The following CDH20 variants were observed in gnomAD, a reference collection of about 807,000 sequenced individuals.
CDH20 encodes the protein cadherin-20.
Under a neutral mutation model 74.2 loss-of-function variants are expected in CDH20, and 29 were observed. The observed-to-expected ratio is 0.39, with a 90% confidence interval of 0.29 to 0.53. CDH20 has a LOEUF of 0.53. Ranked by LOEUF, CDH20 falls within the 20% of genes least tolerant of loss-of-function variation. The pLI is 0.69. For synonymous variants in CDH20, 469 were observed against 405.4 expected (o/e 1.16, Z -1.88); for missense variants, 988 against 1,048.3 (o/e 0.94, Z 0.79).
intron 1 of CDH20, among the ~76,000 whole-genome samples, chr18:61,467,135 T>C (rs986000249): frequency 6.6e-6 from 1 of 152,014 alleles, no homozygotes; most frequent in African/African-American, 2.4e-5. Flanking sequence ...TGGTACCATC[T>C]CTAATGACAG....
chr18:61,405,370 G>A lies in CDH20; in HGVS notation c.-153+71543G>A, dbSNP rs183759998. 1.1e-4 allele frequency among the ~76,000 whole-genome samples: 17 copies of A among 152,226 alleles called. No individual in the cohort carries two copies. The East Asian group carries it at 3.3e-3, about 30-fold the overall frequency. On this transcript the variant is annotated intron_variant, in intron 1 of 11. Transcript: ENST00000262717. ...TGCAAAGCCAAGTGAAAGATGGCTT[G>A]AGGCCAGGAGTCTGAGACCAGCCTG... is the stretch of plus-strand genomic sequence containing the variant.
intron 6 of CDH20, among the ~76,000 whole-genome samples, chr18:61,514,519 C>T (rs913286580): frequency 6.6e-6 from 1 of 152,118 alleles, no homozygotes; most frequent in African/African-American, 2.4e-5. Flanking sequence ...CATTCTCCAT[C>T]CAGCTTTGTT....
At chr18:61,549,869 T>G in intron 10 of CDH20, 109 bp from the exon 11 acceptor site, 1 of 1,157,082 alleles carries the variant, frequency 8.6e-7, no homozygotes, top group South Asian at 1.5e-5. Flanking sequence ...AGGGAATATC[T>G]GACTATCCTC....
chr18:61,509,131 G>A (rs1407878923), intron 6 of CDH20, among the ~76,000 whole-genome samples: 2 of 152,202 alleles, frequency 1.3e-5, no homozygotes, highest in Non-Finnish European at 2.9e-5. Context: ...AGTATATACT[G>A]CTCAGGTGAT....
At chr18:61,406,923 A>G (rs1286699172) in intron 1 of CDH20, among the ~76,000 whole-genome samples, 1 of 152,230 alleles carries the variant, frequency 6.6e-6, no homozygotes, top group African/African-American at 2.4e-5. Flanking sequence ...ATTATTGAAA[A>G]AGCATTGAAT....
chr18:61,508,774 C>T (rs566684890), intron 6 of CDH20, among the ~76,000 whole-genome samples: 3 of 152,216 alleles, frequency 2.0e-5, no homozygotes, highest in South Asian at 2.1e-4. Context: ...GTAGCTGGGA[C>T]TACAGGGGCA....
intron 1 of CDH20, among the ~76,000 whole-genome samples, chr18:61,337,028 G>T (rs1441244782): frequency 1.3e-5 from 2 of 152,180 alleles, no homozygotes; most frequent in Non-Finnish European, 2.9e-5. Flanking sequence ...ATTGTGGGTT[G>T]GTGTGACTCG....
In CDH20 at chr18:61,545,048, G is replaced by A. The variant is rs1913189518; in HGVS notation, c.1552G>A (p.Val518Met). 1.9e-6 allele frequency: 3 copies of A among 1,613,504 alleles called. No individual in the cohort carries two copies. In the Admixed American group the frequency reaches 5.0e-5, roughly 27 times the overall value. ...TCAGCTGATCCAGACAGTGAGTGCG[G>A]TGGACCAAGATGACCCACGCAATGG... ...AGQLIQTVSA[V>M]DQDDPRNGQH... The change falls in exon 10 of 12, where the codon GTG becomes ATG. Residue 518 changes from valine to methionine, a missense_variant. Coordinates refer to ENST00000262717, the MANE Select transcript of CDH20 (RefSeq NM_031891.4).
intron 1 of CDH20, among the ~76,000 whole-genome samples, chr18:61,459,615 T>G (rs558115520): frequency 6.6e-6 from 1 of 152,278 alleles, no homozygotes; most frequent in African/African-American, 2.4e-5. Flanking sequence ...TAGCAGTTGT[T>G]GGTACCACCT....
intron 1 of CDH20, among the ~76,000 whole-genome samples, chr18:61,484,172 C>A (rs1225040107): frequency 6.6e-6 from 1 of 152,160 alleles, no homozygotes; most frequent in African/African-American, 2.4e-5. Flanking sequence ...TAAATACATG[C>A]TTTTTATAAA....
At chr18:61,551,364 G>A (rs1913425115) in intron 11 of CDH20, among the ~76,000 whole-genome samples, 2 of 152,186 alleles carry the variant, frequency 1.3e-5, no homozygotes, top group Non-Finnish European at 2.9e-5. Flanking sequence ...CCTGAGGATT[G>A]AAATTAGAAT....
At chr18:61,509,368 G>A (rs1354212677) in intron 6 of CDH20, among the ~76,000 whole-genome samples, 2 of 152,284 alleles carry the variant, frequency 1.3e-5, no homozygotes, top group South Asian at 4.2e-4. Flanking sequence ...ATGACTCTTT[G>A]TGAAAAGCAT....
intron 6 of CDH20, among the ~76,000 whole-genome samples, chr18:61,513,909 C>T (rs1320607322): frequency 6.6e-6 from 1 of 151,974 alleles, no homozygotes; most frequent in Non-Finnish European, 1.5e-5. Context: ...GTAACCCGAC[C>T]TTTCTCTCTG....
intron 1 of CDH20, among the ~76,000 whole-genome samples, chr18:61,402,036 G>C (rs189549326): frequency 1.1e-4 from 16 of 152,302 alleles, no homozygotes; most frequent in African/African-American, 2.9e-4. Flanking sequence ...TAAGGGGCAG[G>C]CAAGGGAACA....
At position 61,490,713 on chromosome 18, in the gene CDH20, C is replaced by T. The variant is rs1910930025; in HGVS notation, c.160C>T (p.His54Tyr). The change falls in exon 2 of 12, where the codon CAT (histidine) becomes TAT (tyrosine). Residue 54 changes from histidine to tyrosine, a missense_variant. By Grantham distance (83) the His-to-Tyr change is moderately conservative. Coordinates refer to ENST00000262717, the MANE Select transcript of CDH20 (RefSeq NM_031891.4). The stretch of plus-strand genomic sequence containing the variant: ...ACTCCTGTCAGACAAGCCACAGTCA[C>T]ATCAGCGGACCAAGAGGAGCTGGGT... ...EALLSDKPQS[H>Y]QRTKRSWVWN... 3.1e-6 allele frequency: 5 copies of T among 1,614,176 alleles called. No homozygotes were observed. The highest frequency in any genetic ancestry group is 4.2e-6 in the Non-Finnish European group (5 of 1,180,042).
chr18:61,390,967 A>G (rs1911762397), intron 1 of CDH20, among the ~76,000 whole-genome samples: 1 of 152,200 alleles, frequency 6.6e-6, no homozygotes. Context: ...CTGACAGATG[A>G]CAGACTCTAC....
intron 1 of CDH20, among the ~76,000 whole-genome samples, chr18:61,355,118 G>C (rs989420583): frequency 1.3e-5 from 2 of 152,172 alleles, no homozygotes; most frequent in African/African-American, 4.8e-5. Context: ...TCAATAATCT[G>C]TTAATATGTT....
intron 1 of CDH20, among the ~76,000 whole-genome samples, chr18:61,447,742 C>T (rs1909248482): frequency 6.6e-6 from 1 of 152,176 alleles, no homozygotes; most frequent in African/African-American, 2.4e-5. Context: ...AATTTAATTT[C>T]ACATCATGAC....
At chr18:61,492,744 A>G (rs1911004064) in intron 2 of CDH20, among the ~76,000 whole-genome samples, 1 of 152,110 alleles carries the variant, frequency 6.6e-6, no homozygotes, top group Admixed American at 6.5e-5. Context: ...ACTCTCTTTC[A>G]CAGCCCTAAT....
Sources: allele counts gnomAD v4.1 joint callset (sites outside exome capture counted in the v4.1 genomes callset), GRCh38; gene constraint gnomAD v4.1.1; transcripts MANE v1.5; gene names NCBI Gene and HGNC (gene_info 2026-07-23, HGNC 2026-07-21).